USP44: variants seen among roughly 807,000 people sequenced by gnomAD.
USP44 encodes the protein ubiquitin carboxyl-terminal hydrolase 44.
Under a neutral mutation model 69.0 loss-of-function variants are expected in USP44, and 61 were observed. The ratio of observed to expected loss-of-function variants is 0.88; its 90% confidence interval spans 0.72 to 1.09. USP44 has a LOEUF of 1.09. USP44 is among the 50% of genes least tolerant of loss of function. USP44 has a pLI of 0.00. For synonymous variants in USP44, 297 were observed against 295.4 expected (o/e 1.01, Z -0.06); for missense variants, 753 against 849.9 (o/e 0.89, Z 1.42).
Position 95,548,904 on chromosome 12 carries a change from C to G in USP44, c.-71+2368G>C, listed in dbSNP as rs1310887828. On this transcript the variant is annotated intron_variant, in intron 1 of 5. Transcript: ENST00000258499. This position sits in a 1 kb window ranked among gnomAD's most constrained non-coding sequence, Gnocchi z 4.1. ...GGCCCCGCCCCCTCCCACAGCCCCA[C>G]CCCTGCGCCGGCTCTTCGCGGGCAC... is the stretch of plus-strand genomic sequence containing the variant. 6.6e-6 allele frequency: 1 copy of G among 152,136 alleles called. No homozygotes were observed. The highest frequency in any genetic ancestry group is 1.5e-5 in the Non-Finnish European group (1 of 67,998). The allele number at this position is 152,136 out of a possible 1,614,324, so 9.4% of individuals were successfully genotyped here.
intron 1 of USP44, among the ~76,000 whole-genome samples, chr12:95,536,864 T>C (rs1366655502): frequency 6.6e-6 from 1 of 152,150 alleles, no homozygotes; most frequent in Admixed American, 6.5e-5. Flanking sequence ...TGTGGCCACC[T>C]GAAGTCTGCA....
At chr12:95,532,243 T>C (rs1432297883) in intron 2 of USP44, among the ~76,000 whole-genome samples, 2 of 148,672 alleles carry the variant, frequency 1.3e-5, no homozygotes, top group Non-Finnish European at 3.0e-5. Flanking sequence ...TTTCAGCTCA[T>C]TGCAACCTCC....
intron 3 of USP44, among the ~76,000 whole-genome samples, chr12:95,528,249 C>T (rs1245763633): frequency 1.3e-5 from 2 of 152,232 alleles, no homozygotes; most frequent in Non-Finnish European, 2.9e-5. Flanking sequence ...CTGCTTCCTC[C>T]ATTAGGAATG....
intron 4 of USP44, among the ~76,000 whole-genome samples, chr12:95,522,602 AC>A: frequency 6.6e-6 from 1 of 151,908 alleles, no homozygotes; most frequent in Non-Finnish European, 1.5e-5. Flanking sequence ...ACATGGTGAA[AC>A]CCCGTCTCTA....
At chr12:95,541,874 ATTTTTT>A (rs34060895) in intron 1 of USP44, among the ~76,000 whole-genome samples, 1 of 99,558 alleles carries the variant, frequency 1.0e-5, no homozygotes. Flanking sequence ...TATCATCTCC[ATTTTTT>A]TTTTTTTTTT....
intron 1 of USP44, among the ~76,000 whole-genome samples, chr12:95,540,780 A>T (rs1291139895): frequency 6.6e-6 from 1 of 152,118 alleles, no homozygotes; most frequent in Non-Finnish European, 1.5e-5. Context: ...TAGCCTCCAA[A>T]CTGGTCTCCC....
chr12:95,524,668 C>T lies in USP44; in HGVS notation c.1733+12G>A, dbSNP rs1032093258. 1.6e-5 allele frequency: 26 copies of T among 1,584,050 alleles called. No individual in the cohort carries two copies. The highest frequency in any genetic ancestry group is 1.1e-4 in the Admixed American group (6 of 53,606). On this transcript the variant is annotated intron_variant, in intron 4 of 5. Transcript: ENST00000258499. ...AAGGAATGATAACTTTGCAACTGGT[C>T]CTACTACAGACCTGAATCGTTTGAG...
In USP44 at chr12:95,522,841, A is replaced by C. The variant is rs1272684970; in HGVS notation, c.1734-1639T>G. On this transcript the variant is annotated intron_variant, in intron 4 of 5. Transcript: ENST00000258499. ...GCTAATGAGACAACTAGTGGCTGGC[A>C]ACCCCTAGATAGCTTCAGGATGTGG... Among the ~76,000 whole-genome samples the C allele has an allele frequency of 2.6e-5, 4 of 151,454 alleles. No individual in the cohort carries two copies. The East Asian group carries it at 5.8e-4, about 22-fold the overall frequency.
At chr12:95,520,057 T>C (rs1322001515) in intron 5 of USP44, among the ~76,000 whole-genome samples, 1 of 135,964 alleles carries the variant, frequency 7.4e-6, no homozygotes, top group Non-Finnish European at 1.6e-5. Context: ...TACAATTAAC[T>C]TGGTAGTTTT....
intron 1 of USP44, among the ~76,000 whole-genome samples, chr12:95,549,405 C>T (rs1019082642): frequency 5.3e-5 from 8 of 152,070 alleles, no homozygotes; most frequent in African/African-American, 1.4e-4. Flanking sequence ...CGAAATTGCC[C>T]ATTTAAATAA....
At position 95,518,054 on chromosome 12, in the gene USP44, A is replaced by T. The variant is rs779929551; in HGVS notation, c.*100T>A. On this transcript the variant is annotated 3_prime_UTR_variant, in exon 6 of 6. Coordinates refer to ENST00000258499, the MANE Select transcript of USP44 (RefSeq NM_032147.5). ...TAGATATAAAATGTATAAATGTAGT[A>T]TACACTGATTCACAAGAAAAAATGA... The T allele has an allele frequency of 6.3e-5, 82 of 1,305,262 alleles. No homozygotes were observed. The highest frequency in any genetic ancestry group is 8.6e-5 in the Non-Finnish European group (81 of 941,414). The allele number at this position is 1,305,262 out of a possible 1,614,324, so 80.9% of individuals were successfully genotyped here. A position where few individuals can be genotyped will look rare whatever the true frequency, so the allele number is the denominator to read the frequency against.
At chr12:95,520,412 A>C (rs957640382) in intron 5 of USP44, among the ~76,000 whole-genome samples, 1 of 152,030 alleles carries the variant, frequency 6.6e-6, no homozygotes, top group Admixed American at 6.6e-5. Context: ...GAATTGCTTG[A>C]ACCCGGGAGG....
chr12:95,537,046 A>G (rs2140318691), intron 1 of USP44, among the ~76,000 whole-genome samples: 1 of 152,332 alleles, frequency 6.6e-6, no homozygotes, highest in Non-Finnish European at 1.5e-5. Context: ...GAGGGATCTG[A>G]ATTACAAAGA....
intron 4 of USP44, among the ~76,000 whole-genome samples, chr12:95,523,521 G>A (rs1207863902): frequency 6.6e-6 from 1 of 152,164 alleles, no homozygotes; most frequent in Non-Finnish European, 1.5e-5. Flanking sequence ...ATTCTCTGTT[G>A]TAAGAGTATG....
In USP44 at chr12:95,533,704, C is replaced by T. The variant is rs1452006518; in HGVS notation, c.553G>A (p.Val185Ile). Residue 185 changes from valine (V) to isoleucine (I), a missense_variant, in exon 2 of 6, where the codon GTA becomes ATA. Val to Ile is a conservative substitution (Grantham distance 29). Transcript: ENST00000258499. ...CTTTTCTTTACTTCTCTTTTTACTACTATTTTTTCCTGAAATGGTTCTTCT... is the reference window on the plus strand; with the variant it reads ...CTTTTCTTTACTTCTCTTTTTACTATTATTTTTTCCTGAAATGGTTCTTCT... ...KQEEPFQEKI[V>I]VKREVKKRRQ... is the part of the protein sequence containing the mutation. 3.7e-6 allele frequency: 6 copies of T among 1,613,796 alleles called. No individual in the cohort carries two copies. Among genetic ancestry groups the T allele is most frequent in the Non-Finnish European group, 5.1e-6 (6 of 1,179,996 alleles).
In USP44 at chr12:95,534,199, A is replaced by T; in HGVS notation, c.58T>A (p.Ser20Thr). 6.2e-7 allele frequency: 1 copy of T among 1,614,088 alleles called. No homozygotes were observed. The change falls in exon 2 of 6, where the codon TCC becomes ACC. Residue 20 changes from serine to threonine, a missense_variant. By Grantham distance (58) the Ser-to-Thr change is moderately conservative. Transcript: ENST00000258499. ...TGCCATTTCTGAGGGTTGAGGCTGGAATGGTCTTGAGCAAGCTGCAGCTGC... is the reference window on the plus strand; with the variant it reads ...TGCCATTTCTGAGGGTTGAGGCTGGTATGGTCTTGAGCAAGCTGCAGCTGC... ...VGQLQLAQDHSSLNPQKWHCV... is the reference protein window; with the variant it reads ...VGQLQLAQDHTSLNPQKWHCV...
chr12:95,534,129 C>G lies in USP44; in HGVS notation c.128G>C (p.Ser43Thr). Residue 43 changes from serine to threonine, a missense_variant, in exon 2 of 6, where the codon AGC (serine) becomes ACC (threonine). Physicochemically the swap from Ser to Thr is moderately conservative, Grantham distance 58. Transcript: ENST00000258499. ...TCTTCCACAGGCAACATGGGAGCAGCTAAGGCAAGCCCAAATGGACTCGGT... is the reference window on the plus strand; with the variant it reads ...TCTTCCACAGGCAACATGGGAGCAGGTAAGGCAAGCCCAAATGGACTCGGT... ...NTTESIWACL[S>T]CSHVACGRYI... The G allele has an allele frequency of 6.2e-7, 1 of 1,614,158 alleles. No individual in the cohort carries two copies. The highest frequency in any genetic ancestry group is 8.5e-7 in the Non-Finnish European group (1 of 1,180,026).
At position 95,533,044 on chromosome 12, in the gene USP44, T is replaced by G. The variant is rs765578005; in HGVS notation, c.1213A>C (p.Met405Leu). Residue 405 changes from methionine (M) to leucine (L), a missense_variant, in exon 2 of 6, where the codon ATG becomes CTG. Transcript: ENST00000258499. ...GKWALVSPFA[M>L]LHSVWRLIPA... Reference sequence around the variant, plus strand: ...ATGAGTCTCCACACTGAGTGTAGCATAGCAAATGGTGAGACCAACGCCCAC... The same window carrying G: ...ATGAGTCTCCACACTGAGTGTAGCAGAGCAAATGGTGAGACCAACGCCCAC... 6.2e-7 allele frequency: 1 copy of G among 1,614,244 alleles called. No individual in the cohort carries two copies. The highest frequency in any genetic ancestry group is 1.1e-5 in the South Asian group (1 of 91,088).
chr12:95,547,134 A>C (rs2077598202), intron 1 of USP44: 2 of 152,226 alleles, frequency 1.3e-5, no homozygotes, highest in Non-Finnish European at 2.9e-5. Flanking sequence ...ATCACTTAAA[A>C]ATTTTTAAGC....
Sources: gnomAD v4.1 joint callset for allele counts (sites outside exome capture counted in the v4.1 genomes callset) on GRCh38, gnomAD v4.1.1 for gene constraint, Gnocchi (gnomAD v3.1) non-coding constraint, MANE v1.5 for transcripts, NCBI Gene and HGNC (gene_info 2026-07-23, HGNC 2026-07-21) for gene names.